Variants in DMXL1 observed in about 807,000 individuals in gnomAD.
DMXL1 encodes the protein dmX-like protein 1.
In DMXL1, 99 loss-of-function variants were observed where a neutral mutation model predicts 319.2. That is an observed-to-expected ratio of 0.31 (90% CI 0.26 to 0.37). The LOEUF is 0.37. Among genes scored for constraint, DMXL1 ranks in the 10% least tolerant of loss-of-function variants. The pLI is 1.00. For missense variants in DMXL1, 3,745 were observed against 3,595.6 expected (o/e 1.04, Z -1.06); for synonymous variants, 1,385 against 1,235.2 (o/e 1.12, Z -2.54).
intron 2 of DMXL1, among the ~76,000 whole-genome samples, chr5:119,099,729 T>C (rs1473373475): frequency 6.6e-6 from 1 of 152,158 alleles, no homozygotes; most frequent in Non-Finnish European, 1.5e-5. Context: ...TGGCCATGTG[T>C]GGTGGCTCAT....
At chr5:119,146,488 A>T (rs1768567332) in intron 15 of DMXL1, among the ~76,000 whole-genome samples, 1 of 151,950 alleles carries the variant, frequency 6.6e-6, no homozygotes, top group Admixed American at 6.6e-5. Flanking sequence ...GTTTGGCACC[A>T]CCATTTCATC....
Position 119,197,708 on chromosome 5 carries a change from G to A in DMXL1, c.7544-47G>A, listed in dbSNP as rs769559208. ...TTCAGTCTTTCTTAAAATTGAATAT[G>A]GCATTTTACTGCATAAGATTAATAT... is the stretch of plus-strand genomic sequence containing the variant. On this transcript the variant is annotated intron_variant, in intron 31 of 43. Coordinates refer to ENST00000539542, the MANE Select transcript of DMXL1 (RefSeq NM_001290321.3). 5.2e-6 allele frequency: 8 copies of A among 1,540,630 alleles called. No homozygotes were observed. In the Admixed American group the frequency reaches 1.2e-4, roughly 23 times the overall value.
At chr5:119,176,108 A>G (rs1005325169) in intron 26 of DMXL1, among the ~76,000 whole-genome samples, 3 of 152,060 alleles carry the variant, frequency 2.0e-5, no homozygotes, top group East Asian at 1.9e-4. Context: ...TTATTCAGCA[A>G]TGTCCTGTCT....
At chr5:119,120,663 T>A (rs922648901) in intron 8 of DMXL1, among the ~76,000 whole-genome samples, 3 of 152,164 alleles carry the variant, frequency 2.0e-5, no homozygotes, top group East Asian at 1.9e-4. Context: ...GGGAAAAAAA[T>A]TTTTAACATT....
chr5:119,137,298 T>G (rs944993251), intron 13 of DMXL1, among the ~76,000 whole-genome samples: 1 of 152,260 alleles, frequency 6.6e-6, no homozygotes, highest in Non-Finnish European at 1.5e-5. Context: ...ATGCCTGTGC[T>G]CGCATTGTAT....
chr5:119,244,335 GT>G (rs575388678), intron 42 of DMXL1, 23 bp from the exon 43 acceptor site: 606 of 1,411,494 alleles, frequency 4.3e-4, no homozygotes, highest in Admixed American at 6.3e-4. Flanking sequence ...AAGTGTTTTT[GT>G]TTTTTTTTTA....
rs1784712797 is a variant in DMXL1, at chr5:119,221,917, C to G, written c.8277+836C>G. On this transcript the variant is annotated intron_variant, in intron 37 of 43. Coordinates refer to ENST00000539542, the MANE Select transcript of DMXL1 (RefSeq NM_001290321.3). ...GCCCTGATTACCTAGAGATGTGATT[C>G]ATATTTGTACTTCCAAGCCTTTATT... 2.0e-5 allele frequency among the ~76,000 whole-genome samples: 3 copies of G among 151,426 alleles called. No individual in the cohort carries two copies. The South Asian group carries it at 6.2e-4, about 31-fold the overall frequency.
intron 1 of DMXL1, among the ~76,000 whole-genome samples, chr5:119,085,601 G>A (rs1229912325): frequency 6.6e-6 from 1 of 151,974 alleles, no homozygotes; most frequent in African/African-American, 2.4e-5. Flanking sequence ...CAATCTTAAG[G>A]CTGTTCTGAG....
chr5:119,233,001 C>A (rs1420713143), intron 38 of DMXL1, among the ~76,000 whole-genome samples: 1 of 151,322 alleles, frequency 6.6e-6, no homozygotes, highest in Non-Finnish European at 1.5e-5. Flanking sequence ...AGGATTGATT[C>A]TAACCTAAGA....
chr5:119,185,038 T>G (rs1308501181), intron 28 of DMXL1, among the ~76,000 whole-genome samples: 1 of 152,186 alleles, frequency 6.6e-6, no homozygotes, highest in Non-Finnish European at 1.5e-5. Flanking sequence ...TGATGTCTAC[T>G]ACTATCGATC....
At chr5:119,127,968 A>G in intron 9 of DMXL1, 1 of 389,458 alleles carries the variant, frequency 2.6e-6, no homozygotes, top group African/African-American at 2.1e-5. Context: ...TGAAGGAGAA[A>G]TGAAGTATAA....
intron 19 of DMXL1, among the ~76,000 whole-genome samples, chr5:119,161,682 G>A (rs1451269295): frequency 2.0e-5 from 3 of 152,150 alleles, no homozygotes; most frequent in African/African-American, 7.2e-5. Context: ...GGTTGGGCAG[G>A]TCTAGCCCCT....
intron 23 of DMXL1, 30 bp from the exon 24 acceptor site, chr5:119,170,160 T>A: frequency 6.4e-7 from 1 of 1,562,508 alleles, no homozygotes; most frequent in Non-Finnish European, 8.6e-7. Context: ...TCATAACTTT[T>A]CTTGGCTCAT....
Position 119,170,453 on chromosome 5 carries a change from A to G in DMXL1, c.5662A>G (p.Thr1888Ala). ...AAAGATGCCTAAAGTCATCAAGAAA[A>G]CAAGACCTTTTTATAGGGCTTCTAG... Reference protein sequence around the residue: ...LSKMPKVIKKTRPFYRASSFL... With the variant: ...LSKMPKVIKKARPFYRASSFL... Residue 1888 changes from threonine to alanine, a missense_variant, in exon 24 of 44, where the codon ACA becomes GCA. By Grantham distance (58) the Thr-to-Ala change is moderately conservative (BLOSUM62 0). Around this residue, in one of 4 missense-constraint regions of DMXL1, gnomAD observed 1,382 missense variants for 1,269.5 expected, o/e 1.09. Coordinates refer to ENST00000539542, the MANE Select transcript of DMXL1 (RefSeq NM_001290321.3). The G allele has an allele frequency of 6.2e-7, 1 of 1,613,980 alleles. No homozygotes were observed. The highest frequency in any genetic ancestry group is 1.1e-5 in the South Asian group (1 of 91,062).
rs139795509 is a variant in DMXL1 at position 119,137,647 on chromosome 5, A to G, written c.2376+3258A>G. On this transcript the variant is annotated intron_variant, in intron 13 of 43. Coordinates refer to ENST00000539542, the MANE Select transcript of DMXL1 (RefSeq NM_001290321.3). ...ATTATAGTGAGCAAGTTCTCACAAGATCTGATGGTTTAAAAAGTGTCAGTT... is the reference window on the plus strand; with the variant it reads ...ATTATAGTGAGCAAGTTCTCACAAGGTCTGATGGTTTAAAAAGTGTCAGTT... Among the ~76,000 whole-genome samples the G allele has an allele frequency of 2.8e-3, 430 of 152,262 alleles. 4 individuals carry two copies. The highest frequency in any genetic ancestry group is 0.01 in the African/African-American group (420 of 41,552).
chr5:119,196,132 A>T (rs543058060), intron 30 of DMXL1, among the ~76,000 whole-genome samples: 4 of 152,154 alleles, frequency 2.6e-5, no homozygotes, highest in Admixed American at 6.6e-5. Context: ...CTAATATTCC[A>T]TAGGTCAAAA....
intron 19 of DMXL1, chr5:119,154,556 A>G (rs532642570): frequency 6.2e-6 from 1 of 160,352 alleles, no homozygotes; most frequent in East Asian, 1.8e-4. Flanking sequence ...AAGCTGCACA[A>G]TTAAAGTTTG....
At chr5:119,109,441 A>T (rs1220199834) in intron 4 of DMXL1, among the ~76,000 whole-genome samples, 1 of 152,088 alleles carries the variant, frequency 6.6e-6, no homozygotes, top group Non-Finnish European at 1.5e-5. Context: ...CCCCACTGCC[A>T]CTTGAAAATC....
chr5:119,195,419 A>G (rs1033227155), intron 30 of DMXL1, among the ~76,000 whole-genome samples: 2 of 152,112 alleles, frequency 1.3e-5, no homozygotes, highest in African/African-American at 4.8e-5. Flanking sequence ...CAGCCTTAGG[A>G]AGGAAATTCT....
Sources: allele counts gnomAD v4.1 joint callset (sites outside exome capture counted in the v4.1 genomes callset), GRCh38; gene constraint gnomAD v4.1.1; regional missense constraint gnomAD v4.1.1; transcripts MANE v1.5; gene names NCBI Gene and HGNC (gene_info 2026-07-23, HGNC 2026-07-21).